Variants in IDH1 observed in about 807,000 individuals in gnomAD.
IDH1 encodes the protein isocitrate dehydrogenase [NADP] cytoplasmic.
In IDH1, 33 loss-of-function variants were observed where a neutral mutation model predicts 46.1. The ratio of observed to expected loss-of-function variants is 0.72; its 90% CI spans 0.54 to 0.96. The LOEUF (loss-of-function observed/expected upper bound fraction) is 0.96. Ranked by LOEUF, IDH1 falls within the 40% of genes least tolerant of loss-of-function variation. The pLI, the probability that IDH1 is intolerant of heterozygous loss-of-function variation, is 0.00. For synonymous variants in IDH1, 144 were observed against 172.8 expected (o/e 0.83, Z 1.31); for missense variants, 421 against 515.7 (o/e 0.82, Z 1.78).
rs1204326719 is a variant in IDH1, at chr2:208,239,204, C to G, written c.1021G>C (p.Ala341Pro). The G allele has an allele frequency of 6.2e-7, 1 of 1,614,072 alleles. No individual in the cohort carries two copies. Among genetic ancestry groups the G allele is most frequent in the Admixed American group, 1.7e-5 (1 of 60,014 alleles). Residue 341 changes from alanine to proline, a missense_variant, in exon 9 of 10, where the codon GCC becomes CCC. Physicochemically the swap from Ala to Pro is conservative, Grantham distance 27 (BLOSUM62 -1). Transcript: ENST00000345146. ...ASIFAWTRGL[A>P]HRAKLDNNKE... The stretch of plus-strand genomic sequence containing the variant: ...TTGTTATCAAGCTTTGCTCTGTGGG[C>G]TAACCCTCTGGTCCAGGCAAAAATG...
intron 6 of IDH1, among the ~76,000 whole-genome samples, chr2:208,242,382 G>A (rs1413049154): frequency 6.6e-6 from 1 of 152,180 alleles, no homozygotes; most frequent in African/African-American, 2.4e-5. Flanking sequence ...CAGGGAAGCC[G>A]TGAGAATTAA....
intron 7 of IDH1, among the ~76,000 whole-genome samples, chr2:208,241,748 G>C (rs1233656920): frequency 1.3e-5 from 2 of 152,128 alleles, no homozygotes; most frequent in Admixed American, 6.5e-5. Context: ...GATCAGGTAG[G>C]CTTTAAAACT....
Position 208,237,109 on chromosome 2 carries a change from C to G in IDH1, c.1215G>C (p.Leu405Phe). 6.2e-7 allele frequency: 1 copy of G among 1,607,608 alleles called. No homozygotes were observed. The highest frequency in any genetic ancestry group is 8.5e-7 in the Non-Finnish European group (1 of 1,174,532). ...FEFMDKLGEN[L>F]KIKLAQAKL ...GTTTGGCCTGAGCTAGTTTGATCTT[C>G]AAGTTTTCTCCAAGTTTATCCATGA... Residue 405 changes from leucine to phenylalanine, a missense_variant, in exon 10 of 10, where the codon TTG becomes TTC. Physicochemically the swap from Leu to Phe is conservative, Grantham distance 22. Coordinates refer to ENST00000345146, the MANE Select transcript of IDH1 (RefSeq NM_005896.4).
rs141118556 is a variant in IDH1 at position 208,251,536 on chromosome 2, T to G, written c.16A>C (p.Ser6Arg). Residue 6 changes from serine (S) to arginine (R), a missense_variant, in exon 3 of 10, where the codon AGT becomes CGT. Ser to Arg is a moderately radical substitution (Grantham distance 110, BLOSUM62 -1). Coordinates refer to ENST00000345146, the MANE Select transcript of IDH1 (RefSeq NM_005896.4). MSKKI[S>R]GGSVVEMQGD... ...TGCATCTCTACCACAGAACCGCCAC[T>G]GATTTTTTTGGACATTTTGACTTCA... is the stretch of plus-strand genomic sequence containing the variant. 2.5e-6 allele frequency: 4 copies of G among 1,613,732 alleles called. No homozygotes were observed. The highest frequency in any genetic ancestry group is 1.3e-5 in the African/African-American group (1 of 74,836).
rs772304188 is a variant in IDH1 at position 208,243,601 on chromosome 2, C to G, written c.524G>C (p.Gly175Ala). Residue 175 changes from glycine to alanine, a missense_variant, in exon 6 of 10, where the codon GGT (glycine) becomes GCT (alanine). Gly to Ala is a moderately conservative substitution (Grantham distance 60). Transcript: ENST00000345146. ...VTYLVHNFEE[G>A]GGVAMGMYNQ... Reference sequence around the variant, plus strand: ...ATACATCCCCATGGCAACACCACCACCTTCTGTAGAGGAGAAGCCAGTGAG... The same window carrying G: ...ATACATCCCCATGGCAACACCACCAGCTTCTGTAGAGGAGAAGCCAGTGAG... 1 of 1,612,934 alleles carries G rather than the reference C, an allele frequency of 6.2e-7. No homozygotes were observed. The highest frequency in any genetic ancestry group is 1.1e-5 in the South Asian group (1 of 91,064).
Position 208,243,570 on chromosome 2 carries a change from T to C in IDH1, c.555A>G (p.Gln185=). Residue 185 remains glutamine (Q), a synonymous_variant, in exon 6 of 10, where the codon CAA becomes CAG. Transcript: ENST00000345146. Reference sequence around the variant, plus strand: ...GTGCAAAATCTTCAATTGACTTATCTTGATTATACATCCCCATGGCAACAC... The same window carrying C: ...GTGCAAAATCTTCAATTGACTTATCCTGATTATACATCCCCATGGCAACAC... ...GGGVAMGMYN[Q]DKSIEDFAHS... The C allele has an allele frequency of 6.2e-7, 1 of 1,614,048 alleles. No homozygotes were observed. Among genetic ancestry groups the C allele is most frequent in the Non-Finnish European group, 8.5e-7 (1 of 1,179,922 alleles).
At chr2:208,248,315 C>G (rs2124862306) in intron 4 of IDH1, 54 bp downstream of exon 4, 1 of 1,540,442 alleles carries the variant, frequency 6.5e-7, no homozygotes, top group East Asian at 2.2e-5. Context: ...TTGGAAATTT[C>G]TGGGCCATGA....
intron 4 of IDH1, among the ~76,000 whole-genome samples, chr2:208,246,061 G>C (rs977148401): frequency 1.3e-5 from 2 of 152,120 alleles, no homozygotes; most frequent in Admixed American, 6.5e-5. Context: ...TTAGGCCATC[G>C]GGGCTCGGTC....
intron 9 of IDH1, 46 bp from the exon 10 acceptor site, chr2:208,237,215 T>C (rs914244648): frequency 1.0e-6 from 1 of 986,942 alleles, no homozygotes; most frequent in Non-Finnish European, 1.6e-6. Context: ...GTCTCTGATA[T>C]GGTAGCAGGT....
chr2:208,242,230 CGGA>C, intron 6 of IDH1, 85 bp from the exon 7 acceptor site: 1 of 1,247,820 alleles, frequency 8.0e-7, no homozygotes, highest in Admixed American at 1.7e-5. Context: ...AACAGAAGAC[CGGA>C]CACACAAGAA....
In IDH1 at chr2:208,239,203, G is replaced by T. The variant is rs765179388; in HGVS notation, c.1022C>A (p.Ala341Asp). The change falls in exon 9 of 10, where the codon GCC (alanine) becomes GAC (aspartate). Residue 341 changes from alanine to aspartate, a missense_variant. Coordinates refer to ENST00000345146, the MANE Select transcript of IDH1 (RefSeq NM_005896.4). The stretch of plus-strand genomic sequence containing the variant: ...ATTGTTATCAAGCTTTGCTCTGTGG[G>T]CTAACCCTCTGGTCCAGGCAAAAAT... ...ASIFAWTRGL[A>D]HRAKLDNNKE... 3.7e-6 allele frequency: 6 copies of T among 1,613,966 alleles called. No homozygotes were observed. In the Admixed American group the frequency reaches 1.0e-4, roughly 27 times the overall value.
At chr2:208,253,239 C>A (rs1451015061) in intron 2 of IDH1, among the ~76,000 whole-genome samples, 4 of 152,236 alleles carry the variant, frequency 2.6e-5, no homozygotes, top group African/African-American at 9.6e-5. Flanking sequence ...GTACTCTCTG[C>A]AGTAATCTTT....
intron 1 of IDH1, 98 bp downstream of exon 1, chr2:208,254,841 C>T (rs968665038): frequency 2.6e-5 from 4 of 152,380 alleles, no homozygotes; most frequent in African/African-American, 7.2e-5. Flanking sequence ...CACCCAAGAT[C>T]TGCGCTTTTT....
intron 6 of IDH1, among the ~76,000 whole-genome samples, chr2:208,243,086 A>T (rs1687950906): frequency 6.6e-6 from 1 of 152,158 alleles, no homozygotes; most frequent in South Asian, 2.1e-4. Context: ...AATTCTAACA[A>T]TGGGCTTCAG....
In IDH1 at chr2:208,240,153, A is replaced by G. The variant is rs1162926665; in HGVS notation, c.851-150T>C. ...GGAATCACCAATAATTCTGCCTTTC[A>G]GAAGGCAGGATCCCCGCTCCAGATA... On this transcript the variant is annotated intron_variant, in intron 7 of 9. Coordinates refer to ENST00000345146, the MANE Select transcript of IDH1 (RefSeq NM_005896.4). 8.8e-6 allele frequency: 7 copies of G among 798,110 alleles called. No individual in the cohort carries two copies. The Admixed American group carries it at 1.4e-4, about 16-fold the overall frequency. 49.4% of individuals were successfully genotyped at this position (798,110 alleles called of 1,614,324 possible). A position where few individuals can be genotyped will look rare whatever the true frequency, so the allele number is the denominator to read the frequency against.
intron 3 of IDH1, among the ~76,000 whole-genome samples, chr2:208,250,562 C>T (rs1233112181): frequency 1.3e-5 from 2 of 152,180 alleles, no homozygotes; most frequent in Non-Finnish European, 2.9e-5. Flanking sequence ...AAACGTGTTG[C>T]TCAATATTTT....
intron 6 of IDH1, among the ~76,000 whole-genome samples, chr2:208,242,645 A>T (rs1228918519): frequency 1.3e-5 from 2 of 152,252 alleles, no homozygotes; most frequent in East Asian, 3.8e-4. Context: ...GAGTTATGCC[A>T]ATCTTAAATA....
rs761315922 is a variant in IDH1 at position 208,239,864 on chromosome 2, A to G, written c.990T>C (p.Ile330=). The stretch of plus-strand genomic sequence containing the variant: ...AAATCAATGTAAACACCATCTTACC[A>G]ATGGGATTGGTGGACGTCTCCTGTC... ...QKGQETSTNP[I]ASIFAWTRGL... The change falls in exon 8 of 10, where the codon ATT becomes ATC. Residue 330 remains isoleucine, a splice_region_variant and synonymous_variant. Transcript: ENST00000345146. The G allele has an allele frequency of 1.9e-6, 3 of 1,614,036 alleles. No homozygotes were observed. The highest frequency in any genetic ancestry group is 2.5e-6 in the Non-Finnish European group (3 of 1,180,004).
At position 208,236,754 on chromosome 2, in the gene IDH1, C is replaced by G. The variant is rs1687819342; in HGVS notation, c.*325G>C. ...GAGCAATACTGTGGCTATCATTTAC[C>G]CTTTTGAGCAATCTTGATTTTGGTC... is the stretch of plus-strand genomic sequence containing the variant. On this transcript the variant is annotated 3_prime_UTR_variant, in exon 10 of 10. Coordinates refer to ENST00000345146, the MANE Select transcript of IDH1 (RefSeq NM_005896.4). 1 of 359,688 alleles carries G rather than the reference C, an allele frequency of 2.8e-6. No homozygotes were observed. Among genetic ancestry groups the G allele is most frequent in the African/African-American group, 2.1e-5 (1 of 48,104 alleles). The allele number at this position is 359,688 out of a possible 1,614,324, so 22.3% of individuals were successfully genotyped here.
Sources: allele counts gnomAD v4.1 joint callset (sites outside exome capture counted in the v4.1 genomes callset), GRCh38; gene constraint gnomAD v4.1.1; transcripts MANE v1.5; gene names NCBI Gene and HGNC (gene_info 2026-07-23, HGNC 2026-07-21).